The following RHEB variants were observed in gnomAD, a reference collection of about 807,000 sequenced individuals.
The protein encoded by RHEB is GTP-binding protein Rheb.
A neutral mutation model predicts 28.8 loss-of-function variants in RHEB; 2 were observed. The ratio of observed to expected loss-of-function variants is 0.07; its 90% CI spans 0.03 to 0.22. The LOEUF is 0.22. Among genes scored for constraint, RHEB ranks in the 10% least tolerant of loss-of-function variants. The pLI is 1.00. For missense variants in RHEB, 76 were observed against 219.9 expected (o/e 0.35, Z 4.14); for synonymous variants, 69 against 77.3 (o/e 0.89, Z 0.56).
intron 3 of RHEB, among the ~76,000 whole-genome samples, chr7:151,482,250 C>A (rs1802391123): frequency 6.6e-6 from 1 of 152,160 alleles, no homozygotes. Flanking sequence ...ACTTCTTCAC[C>A]CTTTTATGTA....
chr7:151,477,601 C>T (rs1271493307), intron 3 of RHEB, among the ~76,000 whole-genome samples, 186 bp from the exon 4 acceptor site: 1 of 152,018 alleles, frequency 6.6e-6, no homozygotes, highest in Non-Finnish European at 1.5e-5. Context: ...GTGGTTCAAG[C>T]CAATATTTAA....
chr7:151,478,657 C>T (rs539413793), intron 3 of RHEB, among the ~76,000 whole-genome samples: 8 of 151,432 alleles, frequency 5.3e-5, no homozygotes, highest in African/African-American at 7.3e-5. Flanking sequence ...TTTTTTGAGA[C>T]GTAGTTTCCC....
intron 3 of RHEB, among the ~76,000 whole-genome samples, chr7:151,478,618 A>G (rs1033810544): frequency 6.6e-6 from 1 of 152,026 alleles, no homozygotes; most frequent in African/African-American, 2.4e-5. Context: ...TGGAGGAAAG[A>G]GCCCCCAGCT....
intron 1 of RHEB, 100 bp downstream of exon 1, chr7:151,519,360 A>G: frequency 1.2e-6 from 1 of 865,380 alleles, no homozygotes. Context: ...GCCCCGCCAC[A>G]TGGCCGCGCC....
chr7:151,492,988 C>T (rs1319802490), intron 1 of RHEB, among the ~76,000 whole-genome samples: 5 of 151,926 alleles, frequency 3.3e-5, no homozygotes, highest in Non-Finnish European at 5.9e-5. Context: ...TACAGGCACG[C>T]GCCACCACAC....
intron 2 of RHEB, among the ~76,000 whole-genome samples, chr7:151,486,726 C>A (rs553001962): frequency 6.6e-6 from 1 of 152,126 alleles, no homozygotes; most frequent in Non-Finnish European, 1.5e-5. Context: ...ATACAGTGAC[C>A]ACATGACTGT....
At chr7:151,477,213 A>G in intron 4 of RHEB, 120 bp downstream of exon 4, 1 of 716,218 alleles carries the variant, frequency 1.4e-6, no homozygotes, top group Non-Finnish European at 2.4e-6. Context: ...GAAAATCACT[A>G]AAAAACATGT....
chr7:151,498,631 CAGAGGCA>C (rs566691755), intron 1 of RHEB, among the ~76,000 whole-genome samples: 86 of 152,128 alleles, frequency 5.7e-4, no homozygotes, highest in African/African-American at 1.9e-3. Flanking sequence ...AGCTACTGGG[CAGAGGCA>C]AGAGGCAAGA....
In RHEB at chr7:151,484,919, C is replaced by A. The variant is rs1223003299; in HGVS notation, c.125-115G>T. On this transcript the variant is annotated intron_variant, in intron 2 of 7. Transcript: ENST00000262187. ...AGTCCCTAGCAGTCTCAGAGAAAGG[C>A]CCCATGAAACAAAAAAGAACAACTC... The A allele has an allele frequency of 4.0e-5, 25 of 632,136 alleles. No homozygotes were observed. In the East Asian group the frequency reaches 6.5e-4, roughly 16 times the overall value. 39.2% of individuals were successfully genotyped at this position (632,136 alleles called of 1,614,324 possible).
Position 151,519,550 on chromosome 7 carries a change from C to A in RHEB, c.-39G>T, listed in dbSNP as rs753114938. Reference sequence around the variant, plus strand: ...TCAGCCCCGGCCCAACCACATCAACCGCGGCGGCGGTGGCTCCTGCTGCTG... The same window carrying A: ...TCAGCCCCGGCCCAACCACATCAACAGCGGCGGCGGTGGCTCCTGCTGCTG... On this transcript the variant is annotated 5_prime_UTR_variant, in exon 1 of 8. Transcript: ENST00000262187. 22 of 1,520,374 alleles carry A rather than the reference C, an allele frequency of 1.4e-5. No homozygotes were observed. The African/African-American group carries it at 2.9e-4, about 20-fold the overall frequency. 94.2% of individuals were successfully genotyped at this position (1,520,374 alleles called of 1,614,324 possible). A position where few individuals can be genotyped will look rare whatever the true frequency, so the allele number is the denominator to read the frequency against.
intron 1 of RHEB, chr7:151,501,831 GCC>G: frequency 2.1e-6 from 1 of 472,714 alleles, no homozygotes; most frequent in East Asian, 5.0e-5. Context: ...TGTCCTACCA[GCC>G]GCTGCTGCCC....
At chr7:151,497,293 G>C (rs1450272770) in intron 1 of RHEB, among the ~76,000 whole-genome samples, 1 of 152,116 alleles carries the variant, frequency 6.6e-6, no homozygotes, top group Admixed American at 6.5e-5. Context: ...CAGCAGCTTA[G>C]TACTACAGGG....
At chr7:151,479,346 C>T (rs569673110) in intron 3 of RHEB, among the ~76,000 whole-genome samples, 6 of 152,074 alleles carry the variant, frequency 3.9e-5, no homozygotes, top group East Asian at 1.9e-4. Context: ...GAAAACGATG[C>T]GTATGATAGA....
At chr7:151,498,000 G>A (rs911076147) in intron 1 of RHEB, 2 of 635,590 alleles carry the variant, frequency 3.1e-6, no homozygotes, top group South Asian at 3.0e-5. Flanking sequence ...GCTGGATGCT[G>A]CAGTAGTTGG....
At chr7:151,508,859 A>G (rs1584867518) in intron 1 of RHEB, among the ~76,000 whole-genome samples, 1 of 152,118 alleles carries the variant, frequency 6.6e-6, no homozygotes, top group Admixed American at 6.6e-5. Flanking sequence ...TATTTGTATA[A>G]ATTTAGCTCC....
chr7:151,488,291 A>G (rs954042937), intron 2 of RHEB, among the ~76,000 whole-genome samples: 1 of 152,174 alleles, frequency 6.6e-6, no homozygotes, highest in Non-Finnish European at 1.5e-5. Context: ...CTACACCCCT[A>G]CTGTTAAAGA....
rs73729819 is a variant in RHEB, at chr7:151,494,736, C to A, written c.53-3722G>T. The stretch of plus-strand genomic sequence containing the variant: ...CAGAAGTGGCACTGGAGAAAAACTA[C>A]GTTTCCCTTGGGTCTCTCCTCCCTG... On this transcript the variant is annotated intron_variant, in intron 1 of 7. Coordinates refer to ENST00000262187, the MANE Select transcript of RHEB (RefSeq NM_005614.4). Among the ~76,000 whole-genome samples the A allele has an allele frequency of 8.8e-3, 1,341 of 152,278 alleles. 18 individuals carry two copies. The highest frequency in any genetic ancestry group is 0.03 in the African/African-American group (1,262 of 41,548).
In RHEB at chr7:151,475,196, A is replaced by T. The variant is rs17713697; in HGVS notation, c.275+2137T>A. Among the ~76,000 whole-genome samples, 10 of 152,048 alleles carry T rather than the reference A, an allele frequency of 6.6e-5. No individual in the cohort carries two copies. The East Asian group carries it at 1.9e-3, about 29-fold the overall frequency. ...TTAATCCAGCTCAATGTATTTTTCA[A>T]TTTCCCCAGTGGCACATGCTATGTT... On this transcript the variant is annotated intron_variant, in intron 4 of 7. Coordinates refer to ENST00000262187, the MANE Select transcript of RHEB (RefSeq NM_005614.4).
At chr7:151,510,903 C>T (rs1436402735) in intron 1 of RHEB, among the ~76,000 whole-genome samples, 1 of 151,850 alleles carries the variant, frequency 6.6e-6, no homozygotes. Flanking sequence ...ACAAGTAAGA[C>T]CTCATGTCTA....
Sources: gnomAD v4.1 joint callset for allele counts (sites outside exome capture counted in the v4.1 genomes callset) on GRCh38, gnomAD v4.1.1 for gene constraint, MANE v1.5 for transcripts, NCBI Gene and HGNC (gene_info 2026-07-23, HGNC 2026-07-21) for gene names.